PLEKHO2: variants seen among roughly 807,000 people sequenced by gnomAD.
PLEKHO2 encodes pleckstrin homology domain-containing family O member 2.
Under a neutral mutation model 32.7 loss-of-function variants are expected in PLEKHO2, and 20 were observed. That is an observed-to-expected ratio of 0.61 (90% CI 0.43 to 0.89). The LOEUF is 0.89. Among genes scored for constraint, PLEKHO2 ranks in the 40% least tolerant of loss-of-function variants. The pLI, the probability that PLEKHO2 is intolerant of heterozygous loss-of-function variation, is 0.00. For synonymous variants in PLEKHO2, 247 were observed against 246.3 expected, an observed-to-expected ratio of 1.00 and a Z score of -0.03; for missense variants, 568 against 621.2, an observed-to-expected ratio of 0.91 and a Z score of 0.91.
chr15:64,846,927 T>C (rs2084526542), intron 1 of PLEKHO2, among the ~76,000 whole-genome samples: 1 of 152,236 alleles, frequency 6.6e-6, no homozygotes, highest in South Asian at 2.1e-4. Flanking sequence ...GAACACTTAC[T>C]ATGTGCCAGT....
Position 64,864,891 on chromosome 15 carries a change from C to CG in PLEKHO2, c.484-8_484-7insG, listed in dbSNP as rs780514144. 2.5e-6 allele frequency: 4 copies of CG among 1,579,472 alleles called. No individual in the cohort carries two copies. Among genetic ancestry groups the CG allele is most frequent in the Middle Eastern group, 1.7e-4 (1 of 5,866 alleles). On this transcript the variant is annotated splice_region_variant and splice_polypyrimidine_tract_variant and intron_variant, in intron 5 of 5. Coordinates refer to ENST00000323544, the MANE Select transcript of PLEKHO2 (RefSeq NM_025201.5). ...AAGATGACACCCATATACCATCCCCCCCACCAGGTGGCCAGTGCAGCTTCT... is the reference window on the plus strand; with the variant it reads ...AAGATGACACCCATATACCATCCCCCGCCACCAGGTGGCCAGTGCAGCTTCT...
At position 64,854,986 on chromosome 15, in the gene PLEKHO2, C is replaced by T. The variant is rs781596859; in HGVS notation, c.228C>T (p.Ala76=). 1 of 1,606,716 alleles carries T rather than the reference C, an allele frequency of 6.2e-7. No individual in the cohort carries two copies. The highest frequency in any genetic ancestry group is 8.5e-7 in the Non-Finnish European group (1 of 1,176,664). ...ATGAGAAGTGCCAGGACCTTCGTGC[C>T]CTCCTCAAGCGAAAACACCGCTTTA... The part of the protein sequence containing the change: ...GSYEKCQDLR[A]LLKRKHRFIL... Residue 76 remains alanine (A), a synonymous_variant, in exon 3 of 6, where the codon GCC becomes GCT. Transcript: ENST00000323544.
chr15:64,853,642 C>A (rs1367252231), intron 2 of PLEKHO2, among the ~76,000 whole-genome samples: 1 of 152,086 alleles, frequency 6.6e-6, no homozygotes, highest in African/African-American at 2.4e-5. Context: ...ATGCTGCTGG[C>A]CTAGGTCCCA....
At chr15:64,851,485 A>G (rs553638622) in intron 2 of PLEKHO2, among the ~76,000 whole-genome samples, 3 of 152,314 alleles carry the variant, frequency 2.0e-5, no homozygotes, top group East Asian at 1.9e-4. Flanking sequence ...AAAAATGTAA[A>G]TGCAATTTCA....
chr15:64,848,513 T>A, intron 1 of PLEKHO2, 80 bp from the exon 2 acceptor site: 1 of 1,543,050 alleles, frequency 6.5e-7, no homozygotes, highest in South Asian at 1.1e-5. Flanking sequence ...TAGGGACACA[T>A]CCCTTGTGTG....
chr15:64,853,021 C>T (rs1017250477), intron 2 of PLEKHO2, among the ~76,000 whole-genome samples: 7 of 150,922 alleles, frequency 4.6e-5, no homozygotes, highest in Non-Finnish European at 1.0e-4. Context: ...CACCTGTAAT[C>T]CCAGCTACTC....
chr15:64,845,214 C>CT (rs771584682), intron 1 of PLEKHO2, among the ~76,000 whole-genome samples: 74,186 of 121,264 alleles, frequency 0.61, 24,070 homozygotes, highest in East Asian at 0.93. Flanking sequence ...GACCTGGCTT[C>CT]TTTTTTTTTT....
chr15:64,861,437 A>G, intron 4 of PLEKHO2, 40 bp from the exon 5 acceptor site: 1 of 1,509,720 alleles, frequency 6.6e-7, no homozygotes, highest in Admixed American at 2.0e-5. Flanking sequence ...CACACTCCCC[A>G]AGGCTTGGCA....
At chr15:64,864,786 G>A (rs923168535) in intron 5 of PLEKHO2, 113 bp from the exon 6 acceptor site, 3 of 1,167,576 alleles carry the variant, frequency 2.6e-6, no homozygotes, top group Admixed American at 4.7e-5. Flanking sequence ...AGGCTGGGGA[G>A]CTGGGGGCCT....
chr15:64,861,649 C>A, intron 5 of PLEKHO2, 74 bp downstream of exon 5: 1 of 1,265,918 alleles, frequency 7.9e-7, no homozygotes, highest in South Asian at 1.5e-5. Context: ...GGCAGCCAGG[C>A]TTGGGGCCAC....
intron 2 of PLEKHO2, among the ~76,000 whole-genome samples, chr15:64,854,227 G>GC (rs1230000666): frequency 3.3e-5 from 5 of 152,232 alleles, no homozygotes; most frequent in Admixed American, 3.3e-4. Context: ...TCCAGAGATG[G>GC]CCGGGAAGAG....
chr15:64,859,808 G>T, intron 3 of PLEKHO2, 86 bp from the exon 4 acceptor site: 1 of 1,137,568 alleles, frequency 8.8e-7, no homozygotes, highest in Non-Finnish European at 1.3e-6. Context: ...GTTTGACTTT[G>T]GGATCTAGGT....
In PLEKHO2 at chr15:64,846,846, G is replaced by A. The variant is rs932651926; in HGVS notation, c.13-1747G>A. 3.9e-5 allele frequency among the ~76,000 whole-genome samples: 6 copies of A among 152,174 alleles called. No homozygotes were observed. The East Asian group carries it at 7.7e-4, about 20-fold the overall frequency. On this transcript the variant is annotated intron_variant, in intron 1 of 5. Transcript: ENST00000323544. ...AATAGTAACAATAATGACAGCTGCC[G>A]TTTACTAGGTTTAGGGCATCCTGGG...
At chr15:64,852,196 A>G (rs1301273391) in intron 2 of PLEKHO2, among the ~76,000 whole-genome samples, 1 of 152,104 alleles carries the variant, frequency 6.6e-6, no homozygotes, top group East Asian at 1.9e-4. Context: ...TCCCCCTGGC[A>G]GTAAATGATG....
At chr15:64,845,100 A>C (rs1163233798) in intron 1 of PLEKHO2, among the ~76,000 whole-genome samples, 2 of 152,072 alleles carry the variant, frequency 1.3e-5, no homozygotes, top group Non-Finnish European at 2.9e-5. Context: ...AGGTTGTCAT[A>C]AGCTTCCTGG....
At chr15:64,843,706 G>A (rs1343280767) in intron 1 of PLEKHO2, among the ~76,000 whole-genome samples, 37 of 151,696 alleles carry the variant, frequency 2.4e-4, no homozygotes, top group Admixed American at 2.4e-3. Flanking sequence ...TCAGCCTCCT[G>A]AATAGCTGGG....
At chr15:64,845,876 C>T (rs186207370) in intron 1 of PLEKHO2, among the ~76,000 whole-genome samples, 1 of 152,132 alleles carries the variant, frequency 6.6e-6, no homozygotes, top group Non-Finnish European at 1.5e-5. Context: ...GTGGGTGGGT[C>T]CCCTGAAAGC....
intron 3 of PLEKHO2, among the ~76,000 whole-genome samples, chr15:64,857,716 G>C (rs531196466): frequency 1.3e-5 from 2 of 152,280 alleles, no homozygotes; most frequent in South Asian, 4.1e-4. Flanking sequence ...TCTTCTCTGA[G>C]GCCATTTCTG....
rs369110237 is a variant in PLEKHO2, at chr15:64,854,501, G to A, written c.163-420G>A. ...TCCCTCTGGCTCTTCCTGGAAAGTC[G>A]TTGTCCCCCGTCCCCATCCCACTCC... On this transcript the variant is annotated intron_variant, in intron 2 of 5. Coordinates refer to ENST00000323544, the MANE Select transcript of PLEKHO2 (RefSeq NM_025201.5). Among the ~76,000 whole-genome samples, 622 of 152,270 alleles carry A rather than the reference G, an allele frequency of 4.1e-3. 45 individuals are homozygous for A. In the South Asian group the frequency reaches 0.12, roughly 30 times the overall value.
Sources: gnomAD v4.1 joint callset for allele counts (sites outside exome capture counted in the v4.1 genomes callset) on GRCh38, gnomAD v4.1.1 for gene constraint, MANE v1.5 for transcripts, NCBI Gene and HGNC (gene_info 2026-07-23, HGNC 2026-07-21) for gene names.